Variants in KCNMA1 observed in about 807,000 individuals in gnomAD.
The protein encoded by KCNMA1 is potassium calcium-activated channel subfamily M alpha 1.
Under a neutral mutation model 140.0 loss-of-function variants are expected in KCNMA1, and 29 were observed. That is an observed-to-expected ratio of 0.21 (90% CI 0.15 to 0.28). KCNMA1 has a LOEUF of 0.28. KCNMA1 is among the 10% of genes least tolerant of loss of function. The pLI is 1.00. For synonymous variants in KCNMA1, 612 were observed against 611.9 expected (o/e 1.00, Z 0.00); for missense variants, 880 against 1,602.2 (o/e 0.55, Z 7.70).
At chr10:77,470,521 GA>G (rs59713620) in intron 1 of KCNMA1, among the ~76,000 whole-genome samples, 3,556 of 152,246 alleles carry the variant, frequency 0.023, 155 homozygotes, top group African/African-American at 0.081. Flanking sequence ...CTGGGCAGGG[GA>G]TCTCCTCCTA....
chr10:77,236,811 T>A (rs2055647453), intron 3 of KCNMA1, among the ~76,000 whole-genome samples: 1 of 152,242 alleles, frequency 6.6e-6, no homozygotes, highest in Non-Finnish European at 1.5e-5. Flanking sequence ...GTTTTATTTA[T>A]TTATGTATGT....
chr10:77,291,395 T>C (rs911212043), intron 2 of KCNMA1, among the ~76,000 whole-genome samples: 4 of 152,008 alleles, frequency 2.6e-5, no homozygotes, highest in African/African-American at 9.7e-5. Context: ...GCAGCAAAGG[T>C]ACCACCTCAG....
intron 14 of KCNMA1, among the ~76,000 whole-genome samples, chr10:77,065,647 A>G (rs1476329493): frequency 6.6e-6 from 1 of 152,148 alleles, no homozygotes; most frequent in African/African-American, 2.4e-5. Flanking sequence ...CACCTGACTT[A>G]TTTAAAAAAA....
At chr10:77,162,163 G>A (rs1373439294) in intron 5 of KCNMA1, among the ~76,000 whole-genome samples, 2 of 152,188 alleles carry the variant, frequency 1.3e-5, no homozygotes, top group Non-Finnish European at 2.9e-5. Flanking sequence ...TAAAAGAACT[G>A]TAATCCTATG....
intron 24 of KCNMA1, chr10:76,910,361 C>T (rs2049652611): frequency 2.3e-6 from 1 of 442,314 alleles, no homozygotes; most frequent in Non-Finnish European, 4.2e-6. Flanking sequence ...GACCAATAGA[C>T]TGTGCTGGCC....
chr10:77,229,515 C>T (rs919397190), intron 3 of KCNMA1, among the ~76,000 whole-genome samples: 1 of 152,176 alleles, frequency 6.6e-6, no homozygotes, highest in African/African-American at 2.4e-5. Context: ...GAGCTTCACT[C>T]ATCTCTTCAC....
intron 5 of KCNMA1, among the ~76,000 whole-genome samples, chr10:77,169,358 G>GT (rs1163293844): frequency 6.6e-6 from 1 of 151,820 alleles, no homozygotes; most frequent in African/African-American, 2.4e-5. Flanking sequence ...ATGAGACTGA[G>GT]TTTTTTGTTT....
In KCNMA1 at chr10:76,917,725, T is replaced by G. The variant is rs568265528; in HGVS notation, c.2903-2676A>C. On this transcript the variant is annotated intron_variant, in intron 23 of 27. Coordinates refer to ENST00000286628, the MANE Select transcript of KCNMA1 (RefSeq NM_001161352.2). ...TTCATGCCTCTTTTTGTTTCCCTAC[T>G]TTTCTAGTCACACATTTTTAAAAGC... is the stretch of plus-strand genomic sequence containing the variant. Among the ~76,000 whole-genome samples the G allele has an allele frequency of 3.9e-5, 6 of 152,306 alleles. 1 individual carries two copies. The highest frequency in any genetic ancestry group is 1.4e-4 in the African/African-American group (6 of 41,572).
At chr10:77,503,347 T>TA (rs2044610107) in intron 1 of KCNMA1, among the ~76,000 whole-genome samples, 1 of 152,124 alleles carries the variant, frequency 6.6e-6, no homozygotes, top group Non-Finnish European at 1.5e-5. Flanking sequence ...TTGAATCCTT[T>TA]AAAAAGACAG....
Position 77,108,170 on chromosome 10 carries a change from G to T in KCNMA1, c.1223+311C>A. The T allele has an allele frequency of 1.2e-6, 1 of 807,962 alleles. No individual in the cohort carries two copies. Among genetic ancestry groups the T allele is most frequent in the Non-Finnish European group, 1.9e-6 (1 of 528,422 alleles). The allele number at this position is 807,962 out of a possible 1,614,324, so 50.0% of individuals were successfully genotyped here. A position where few individuals can be genotyped will look rare whatever the true frequency, so the allele number is the denominator to read the frequency against. ...GACATCACACCCCATGCAGAAACTG[G>T]GCCTTCCCTCACAGAAGCACCCGGT... On this transcript the variant is annotated intron_variant, in intron 9 of 27. Transcript: ENST00000286628. The surrounding 1 kb of genome is among the most constrained non-coding windows in gnomAD (Gnocchi z 4.6).
intron 19 of KCNMA1, among the ~76,000 whole-genome samples, chr10:76,998,843 A>G (rs1301249712): frequency 1.3e-5 from 2 of 152,236 alleles, no homozygotes; most frequent in East Asian, 1.9e-4. Context: ...AGAAGGGCTT[A>G]TGCAGGCCCA....
intron 5 of KCNMA1, among the ~76,000 whole-genome samples, chr10:77,138,634 G>C (rs999310858): frequency 5.3e-5 from 8 of 151,856 alleles, no homozygotes; most frequent in Non-Finnish European, 1.2e-4. Context: ...AGATTACATT[G>C]CTCCCTGCCA....
At chr10:77,269,768 C>T (rs1210171734) in intron 2 of KCNMA1, among the ~76,000 whole-genome samples, 1 of 152,162 alleles carries the variant, frequency 6.6e-6, no homozygotes, top group East Asian at 1.9e-4. Context: ...TGGGCAGCTA[C>T]CTGGTCTTCA....
chr10:77,062,183 A>G lies in KCNMA1; in HGVS notation c.1749+10914T>C, dbSNP rs896448887. Among the ~76,000 whole-genome samples the G allele has an allele frequency of 1.8e-4, 27 of 152,222 alleles. 1 individual carries two copies. The highest frequency in any genetic ancestry group is 3.2e-3 in the Middle Eastern group (1 of 316). On this transcript the variant is annotated intron_variant, in intron 14 of 27. Coordinates refer to ENST00000286628, the MANE Select transcript of KCNMA1 (RefSeq NM_001161352.2). Reference sequence around the variant, plus strand: ...ATAATCATTTCCAAATCTTACTGGAATCATGTACCTTCAGCATTTTCCTAT... The same window carrying G: ...ATAATCATTTCCAAATCTTACTGGAGTCATGTACCTTCAGCATTTTCCTAT...
chr10:76,970,301 A>G (rs1267648089), intron 19 of KCNMA1: 2 of 483,380 alleles, frequency 4.1e-6, no homozygotes, highest in South Asian at 2.7e-5. Flanking sequence ...TAAACAGACT[A>G]AAACAGTTTG....
intron 20 of KCNMA1, among the ~76,000 whole-genome samples, chr10:76,963,725 T>C (rs1291905166): frequency 6.6e-6 from 1 of 152,224 alleles, no homozygotes; most frequent in Admixed American, 6.5e-5. Context: ...TCTCTTCCCA[T>C]GAGCTAATCA....
intron 2 of KCNMA1, among the ~76,000 whole-genome samples, chr10:77,343,402 G>A (rs2091437233): frequency 6.6e-6 from 1 of 152,214 alleles, no homozygotes; most frequent in Admixed American, 6.5e-5. Flanking sequence ...CAGGTGGGAA[G>A]TTGTGTTTGA....
chr10:76,985,737 T>C (rs1210423411), intron 19 of KCNMA1, among the ~76,000 whole-genome samples: 1 of 152,140 alleles, frequency 6.6e-6, no homozygotes, highest in Non-Finnish European at 1.5e-5. Context: ...CAAAGGAAAC[T>C]GTGAAATAAA....
At chr10:77,000,671 T>C (rs990270910) in intron 19 of KCNMA1, among the ~76,000 whole-genome samples, 1 of 151,818 alleles carries the variant, frequency 6.6e-6, no homozygotes, top group Admixed American at 6.6e-5. Context: ...ACAGGGGCTA[T>C]ACTATTGGAA....
Sources: allele counts gnomAD v4.1 joint callset (sites outside exome capture counted in the v4.1 genomes callset), GRCh38; gene constraint gnomAD v4.1.1; non-coding constraint Gnocchi (gnomAD v3.1); transcripts MANE v1.5; gene names NCBI Gene and HGNC (gene_info 2026-07-23, HGNC 2026-07-21).